Variants in DTNBP1 observed in about 807,000 individuals in gnomAD.
The protein encoded by DTNBP1 is dysbindin.
DTNBP1 carries 35 observed loss-of-function variants against 42.8 expected under a neutral mutation model. That is an observed-to-expected ratio of 0.82 (90% CI 0.63 to 1.09). The LOEUF (loss-of-function observed/expected upper bound fraction) is 1.09. Among genes scored for constraint, DTNBP1 ranks in the 50% least tolerant of loss-of-function variants. The pLI is 0.00. For missense variants in DTNBP1, 457 were observed against 424.2 expected (o/e 1.08, Z -0.68); for synonymous variants, 171 against 162.2 (o/e 1.05, Z -0.41).
At chr6:15,564,181 C>T (rs538729124) in intron 7 of DTNBP1, among the ~76,000 whole-genome samples, 10 of 152,130 alleles carry the variant, frequency 6.6e-5, no homozygotes, top group East Asian at 5.8e-4. Flanking sequence ...TGCTGTAACT[C>T]GGTGGCTCGG....
At chr6:15,594,542 C>A (rs1425141139) in intron 6 of DTNBP1, among the ~76,000 whole-genome samples, 1 of 151,466 alleles carries the variant, frequency 6.6e-6, no homozygotes, top group African/African-American at 2.4e-5. Context: ...CAATAATCAA[C>A]TTCATTCTTA....
chr6:15,599,651 C>T (rs1420277290), intron 6 of DTNBP1, among the ~76,000 whole-genome samples: 4 of 152,088 alleles, frequency 2.6e-5, no homozygotes, highest in Non-Finnish European at 5.9e-5. Context: ...AAGCCAGGAT[C>T]GTTGATGTAT....
intron 1 of DTNBP1, among the ~76,000 whole-genome samples, chr6:15,653,180 C>T (rs1296142043): frequency 1.3e-5 from 2 of 152,182 alleles, no homozygotes; most frequent in African/African-American, 4.8e-5. Flanking sequence ...ATATTACAAA[C>T]TTCTTTCATT....
At chr6:15,655,018 G>A (rs1236394710) in intron 1 of DTNBP1, among the ~76,000 whole-genome samples, 2 of 152,192 alleles carry the variant, frequency 1.3e-5, no homozygotes, top group African/African-American at 4.8e-5. Flanking sequence ...AATAAAGGGA[G>A]AGACAAGGCA....
At chr6:15,542,524 A>G (rs1773631698) in intron 7 of DTNBP1, among the ~76,000 whole-genome samples, 1 of 151,918 alleles carries the variant, frequency 6.6e-6, no homozygotes, top group East Asian at 1.9e-4. Flanking sequence ...GGCACACGCC[A>G]CCACACCCAG....
At chr6:15,657,600 G>A (rs1187578917) in intron 1 of DTNBP1, among the ~76,000 whole-genome samples, 3 of 151,972 alleles carry the variant, frequency 2.0e-5, no homozygotes, top group African/African-American at 4.8e-5. Flanking sequence ...AGAAATACAG[G>A]TAGGCCATCT....
At chr6:15,553,351 G>GA (rs1189333239) in intron 7 of DTNBP1, among the ~76,000 whole-genome samples, 1 of 151,528 alleles carries the variant, frequency 6.6e-6, no homozygotes. Flanking sequence ...TTAGACATTT[G>GA]AAAACATAAG....
chr6:15,657,004 G>A (rs1761322678), intron 1 of DTNBP1, among the ~76,000 whole-genome samples: 1 of 152,114 alleles, frequency 6.6e-6, no homozygotes, highest in Non-Finnish European at 1.5e-5. Context: ...TTTCACATCA[G>A]TGTTCATCAT....
chr6:15,648,831 C>A (rs1044320405), intron 3 of DTNBP1, among the ~76,000 whole-genome samples: 3 of 151,954 alleles, frequency 2.0e-5, no homozygotes, highest in African/African-American at 4.8e-5. Context: ...TCAATTTAAT[C>A]CCAATCAAAA....
At position 15,549,325 on chromosome 6, in the gene DTNBP1, A is replaced by C. The variant is rs138015900; in HGVS notation, c.512-15930T>G. Among the ~76,000 whole-genome samples, 326 of 151,974 alleles carry C rather than the reference A, an allele frequency of 2.1e-3. 1 individual carries two copies. The East Asian group carries it at 0.033, about 16-fold the overall frequency. On this transcript the variant is annotated intron_variant, in intron 7 of 9. Transcript: ENST00000344537. ...CATGGTGAAACCCTGTCTCTACTAA[A>C]AATACAAAAATTAGCCAGGCGTGGT...
chr6:15,627,586 A>AGGG, intron 4 of DTNBP1, 111 bp from the exon 5 acceptor site: 14 of 1,445,664 alleles, frequency 9.7e-6, no homozygotes, highest in South Asian at 1.3e-5. Context: ...TACTCAGTAG[A>AGGG]GATTACGGTA....
intron 7 of DTNBP1, among the ~76,000 whole-genome samples, chr6:15,548,130 GATTTAA>G (rs1038466744): frequency 1.3e-5 from 2 of 152,136 alleles, no homozygotes; most frequent in African/African-American, 4.8e-5. Context: ...GGTATTCAAA[GATTTAA>G]GAGATTTCTG....
chr6:15,581,626 GC>G (rs1775842088), intron 7 of DTNBP1, among the ~76,000 whole-genome samples: 1 of 151,584 alleles, frequency 6.6e-6, no homozygotes, highest in South Asian at 2.1e-4. Context: ...GACTACAGGA[GC>G]ATAACACGCC....
At chr6:15,638,911 C>T (rs1347650897) in intron 3 of DTNBP1, among the ~76,000 whole-genome samples, 1 of 150,694 alleles carries the variant, frequency 6.6e-6, no homozygotes, top group Non-Finnish European at 1.5e-5. Context: ...CAGCTCACTG[C>T]AGCCTCAACC....
intron 1 of DTNBP1, among the ~76,000 whole-genome samples, chr6:15,662,547 C>A (rs950955724): frequency 4.0e-5 from 6 of 151,794 alleles, no homozygotes; most frequent in Non-Finnish European, 8.8e-5. Context: ...GGGTCCCACA[C>A]CCCCCCCGGG....
intron 8 of DTNBP1, 50 bp from the exon 9 acceptor site, chr6:15,524,719 T>C (rs751480967): frequency 2.6e-5 from 42 of 1,601,586 alleles, no homozygotes; most frequent in Non-Finnish European, 3.6e-5. Flanking sequence ...AATATTACTT[T>C]AAAAGGTGAA....
Position 15,593,046 on chromosome 6 carries a change from A to T in DTNBP1, c.511+13T>A. On this transcript the variant is annotated intron_variant, in intron 7 of 9. Coordinates refer to ENST00000344537, the MANE Select transcript of DTNBP1 (RefSeq NM_032122.5). Reference sequence around the variant, plus strand: ...CTCAACTACTTTAAAGTGAAGAATTAACACAAAATTACCTTTGAAGGTTTC... The same window carrying T: ...CTCAACTACTTTAAAGTGAAGAATTTACACAAAATTACCTTTGAAGGTTTC... 1 of 1,587,902 alleles carries T rather than the reference A, an allele frequency of 6.3e-7. No individual in the cohort carries two copies. The highest frequency in any genetic ancestry group is 2.3e-5 in the East Asian group (1 of 44,384).
chr6:15,607,217 G>A (rs1056887715), intron 6 of DTNBP1, among the ~76,000 whole-genome samples: 1 of 151,960 alleles, frequency 6.6e-6, no homozygotes, highest in African/African-American at 2.4e-5. Flanking sequence ...CACCATGTTG[G>A]CCCGGCTGGT....
chr6:15,594,776 T>G (rs1776439469), intron 6 of DTNBP1, among the ~76,000 whole-genome samples: 1 of 151,708 alleles, frequency 6.6e-6, no homozygotes, highest in Admixed American at 6.6e-5. Flanking sequence ...TTTTTTTTTC[T>G]ATGATTACAA....
Sources: gnomAD v4.1 joint callset for allele counts (sites outside exome capture counted in the v4.1 genomes callset) on GRCh38, gnomAD v4.1.1 for gene constraint, MANE v1.5 for transcripts, NCBI Gene and HGNC (gene_info 2026-07-23, HGNC 2026-07-21) for gene names.